The following EPM2A variants were observed in gnomAD, a reference collection of about 807,000 sequenced individuals.
EPM2A encodes the protein EPM2A glucan phosphatase, laforin.
A neutral mutation model predicts 26.5 loss-of-function variants in EPM2A; 21 were observed. That is an observed-to-expected ratio of 0.79 (90% CI 0.56 to 1.14). EPM2A has a LOEUF of 1.14. Among genes scored for constraint, EPM2A ranks in the 50% most tolerant of loss-of-function variants. The pLI is 0.00. For synonymous variants in EPM2A, 217 were observed against 177.6 expected (o/e 1.22, Z -1.76); for missense variants, 458 against 440.8 (o/e 1.04, Z -0.35).
chr6:145,552,939 C>T (rs1780675236), intron 2 of EPM2A, among the ~76,000 whole-genome samples: 1 of 151,988 alleles, frequency 6.6e-6, no homozygotes, highest in East Asian at 1.9e-4. Flanking sequence ...AAGAAATTAA[C>T]CTTTATCTAA....
chr6:145,387,696 G>GA (rs1562316006), intron 4 of EPM2A, among the ~76,000 whole-genome samples: 1 of 151,810 alleles, frequency 6.6e-6, no homozygotes, highest in Non-Finnish European at 1.5e-5. Context: ...GGGAAAAAAA[G>GA]AAAAAATCAA....
chr6:145,693,604 T>G (rs1436148441), intron 1 of EPM2A, among the ~76,000 whole-genome samples: 5 of 151,874 alleles, frequency 3.3e-5, no homozygotes, highest in African/African-American at 1.2e-4. Context: ...ACAGACACAC[T>G]AAAAGCCTAG....
At chr6:145,728,783 C>T (rs1470259734) in intron 1 of EPM2A, among the ~76,000 whole-genome samples, 1 of 152,158 alleles carries the variant, frequency 6.6e-6, no homozygotes, top group Non-Finnish European at 1.5e-5. Flanking sequence ...GCTGTAGAAA[C>T]TTGCATAAGT....
intron 2 of EPM2A, among the ~76,000 whole-genome samples, chr6:145,520,149 A>T (rs559497680): frequency 6.6e-6 from 1 of 152,268 alleles, no homozygotes; most frequent in African/African-American, 2.4e-5. Flanking sequence ...ATCTTTTGTG[A>T]AAACAAAAGA....
chr6:145,659,407 A>G (rs1245930359), intron 2 of EPM2A, among the ~76,000 whole-genome samples: 5 of 152,196 alleles, frequency 3.3e-5, no homozygotes, highest in Admixed American at 6.5e-5. Context: ...CTTCAACAGT[A>G]TAATTATTGA....
intron 1 of EPM2A, among the ~76,000 whole-genome samples, chr6:145,718,560 C>G (rs1185817665): frequency 2.6e-5 from 4 of 152,124 alleles, no homozygotes; most frequent in Admixed American, 2.6e-4. Context: ...TAGGCATGGG[C>G]AAGGACTTCA....
intron 4 of EPM2A, among the ~76,000 whole-genome samples, chr6:145,452,327 G>A (rs895768174): frequency 9.9e-5 from 15 of 151,742 alleles, no homozygotes; most frequent in African/African-American, 3.6e-4. Context: ...TTTCAGTTCT[G>A]TATTTTTACC....
At chr6:145,592,107 C>T (rs1247526779) in intron 2 of EPM2A, among the ~76,000 whole-genome samples, 3 of 151,460 alleles carry the variant, frequency 2.0e-5, no homozygotes, top group African/African-American at 7.3e-5. Context: ...GTGTGCTGCA[C>T]CCGTTAACTC....
chr6:145,494,739 T>G (rs978828629), intron 4 of EPM2A, among the ~76,000 whole-genome samples: 33 of 152,202 alleles, frequency 2.2e-4, no homozygotes, highest in African/African-American at 8.0e-4. Flanking sequence ...ATTTCATTAT[T>G]TATCCACAGT....
chr6:145,432,154 C>T (rs1778930770), intron 4 of EPM2A, among the ~76,000 whole-genome samples: 1 of 152,170 alleles, frequency 6.6e-6, no homozygotes, highest in South Asian at 2.1e-4. Flanking sequence ...TCTTGAACCT[C>T]CCAAAGTCAT....
chr6:145,413,480 T>G (rs1165871117), intron 4 of EPM2A, among the ~76,000 whole-genome samples: 5 of 152,174 alleles, frequency 3.3e-5, no homozygotes, highest in African/African-American at 1.2e-4. Context: ...AGAATCTTAA[T>G]AGTAGACAAA....
chr6:145,716,632 C>T (rs1427761288), intron 1 of EPM2A, among the ~76,000 whole-genome samples: 5 of 152,120 alleles, frequency 3.3e-5, no homozygotes, highest in African/African-American at 1.2e-4. Context: ...CCACGCTCCT[C>T]ACAACTGTGG....
At chr6:145,596,541 G>A (rs1025021638) in intron 2 of EPM2A, among the ~76,000 whole-genome samples, 3 of 152,184 alleles carry the variant, frequency 2.0e-5, no homozygotes, top group Middle Eastern at 6.8e-3. Context: ...GTACTCTTGA[G>A]TATATTATAA....
intron 2 of EPM2A, among the ~76,000 whole-genome samples, chr6:145,517,780 C>A (rs1384143957): frequency 6.6e-6 from 1 of 151,948 alleles, no homozygotes; most frequent in Non-Finnish European, 1.5e-5. Context: ...TTTTTCAGGC[C>A]CTATTTGAAC....
intron 2 of EPM2A, among the ~76,000 whole-genome samples, chr6:145,575,403 C>G (rs1475356947): frequency 6.6e-6 from 1 of 152,128 alleles, no homozygotes; most frequent in East Asian, 1.9e-4. Flanking sequence ...TGTTGCAGGT[C>G]AGCCACTTGC....
chr6:145,698,405 T>A (rs539496553), intron 1 of EPM2A, among the ~76,000 whole-genome samples: 21 of 152,280 alleles, frequency 1.4e-4, no homozygotes, highest in African/African-American at 5.1e-4. Context: ...GGATTCACTA[T>A]CTGCCAAGCC....
intron 3 of EPM2A, 23 bp downstream of exon 3, chr6:145,635,222 G>T: frequency 6.2e-7 from 1 of 1,613,896 alleles, no homozygotes; most frequent in South Asian, 1.1e-5. Flanking sequence ...ACAGCAAGGA[G>T]GCAGAACAGT....
chr6:145,475,626 T>G (rs1398223714), intron 4 of EPM2A, among the ~76,000 whole-genome samples: 1 of 151,784 alleles, frequency 6.6e-6, no homozygotes, highest in Non-Finnish European at 1.5e-5. Context: ...AAAAAAAAAT[T>G]TAAAAAGAAA....
chr6:145,440,828 A>G (rs1486079156), intron 4 of EPM2A, among the ~76,000 whole-genome samples: 2 of 152,224 alleles, frequency 1.3e-5, no homozygotes, highest in Non-Finnish European at 2.9e-5. Flanking sequence ...GCTCTGCCCT[A>G]TGGCCTTGCA....
Sources: allele counts gnomAD v4.1 joint callset (sites outside exome capture counted in the v4.1 genomes callset), GRCh38; gene constraint gnomAD v4.1.1; transcripts MANE v1.5; gene names NCBI Gene and HGNC (gene_info 2026-07-23, HGNC 2026-07-21).